The following EFNA5 variants were observed in gnomAD, a reference collection of about 807,000 sequenced individuals.
EFNA5 encodes ephrin-A5.
Under a neutral mutation model 22.9 loss-of-function variants are expected in EFNA5, and 5 were observed. The ratio of observed to expected loss-of-function variants is 0.22; its 90% CI spans 0.11 to 0.46. The LOEUF (loss-of-function observed/expected upper bound fraction) is 0.46. EFNA5 is among the 20% of genes least tolerant of loss of function. The pLI is 0.99. For synonymous variants in EFNA5, 113 were observed against 112.2 expected (o/e 1.01, Z -0.04); for missense variants, 237 against 293.3 (o/e 0.81, Z 1.40).
chr5:107,456,714 T>C (rs908017854), intron 1 of EFNA5, among the ~76,000 whole-genome samples: 1 of 152,172 alleles, frequency 6.6e-6, no homozygotes, highest in African/African-American at 2.4e-5. Flanking sequence ...GGCTGATCTA[T>C]ACCCTTTTGC....
intron 1 of EFNA5, among the ~76,000 whole-genome samples, chr5:107,661,126 AAAGAAG>A (rs558638367): frequency 3.1e-4 from 43 of 139,426 alleles, no homozygotes; most frequent in East Asian, 1.4e-3. Context: ...AAAAAAAAAA[AAAGAAG>A]AAGAAGAAGA....
intron 1 of EFNA5, among the ~76,000 whole-genome samples, chr5:107,604,773 G>A (rs1026320967): frequency 2.8e-4 from 43 of 152,044 alleles, no homozygotes; most frequent in African/African-American, 8.9e-4. Flanking sequence ...ATGTTTAAGC[G>A]CCCTACATGA....
intron 1 of EFNA5, among the ~76,000 whole-genome samples, chr5:107,435,227 T>C (rs896074235): frequency 3.8e-4 from 57 of 151,942 alleles, no homozygotes; most frequent in African/African-American, 1.3e-3. Context: ...CTCTGTTGTA[T>C]AACATGCTGC....
chr5:107,508,842 T>C (rs1747303017), intron 1 of EFNA5, among the ~76,000 whole-genome samples: 2 of 152,246 alleles, frequency 1.3e-5, no homozygotes, highest in Admixed American at 1.3e-4. Context: ...ATTTTTCTCA[T>C]GTCCAATGTC....
chr5:107,454,103 T>C (rs922742513), intron 1 of EFNA5, among the ~76,000 whole-genome samples: 3 of 152,162 alleles, frequency 2.0e-5, no homozygotes, highest in African/African-American at 7.2e-5. Context: ...CGTTTTTCCT[T>C]CTGTCACTTT....
At position 107,540,468 on chromosome 5, in the gene EFNA5, C is replaced by T. The variant is rs529627057; in HGVS notation, c.126-112959G>A. Among the ~76,000 whole-genome samples the T allele has an allele frequency of 9.2e-5, 14 of 152,268 alleles. 1 individual carries two copies. The South Asian group carries it at 1.4e-3, about 16-fold the overall frequency. On this transcript the variant is annotated intron_variant, in intron 1 of 4. Transcript: ENST00000333274. ...CAAAAGCTGATTATCTGCTAACTTT[C>T]TGCCCTAATTTTATGAAAACAGTAT...
At chr5:107,610,876 GC>G (rs1749809845) in intron 1 of EFNA5, among the ~76,000 whole-genome samples, 1 of 152,090 alleles carries the variant, frequency 6.6e-6, no homozygotes, top group Non-Finnish European at 1.5e-5. Flanking sequence ...AGGTCATATA[GC>G]AAGCAGAGAA....
At chr5:107,476,058 T>TATATATATGTATATATATATATATA in intron 1 of EFNA5, among the ~76,000 whole-genome samples, 6 of 41,110 alleles carry the variant, frequency 1.5e-4, no homozygotes, top group African/African-American at 5.8e-4. Context: ...ATATATATAT[T>TATATATATGTATATATATATATATA]TTTTTTTTTT....
At chr5:107,545,349 G>T (rs1053809025) in intron 1 of EFNA5, among the ~76,000 whole-genome samples, 3 of 152,168 alleles carry the variant, frequency 2.0e-5, no homozygotes, top group African/African-American at 7.2e-5. Flanking sequence ...GTATGAAATT[G>T]GTTTTCTACC....
chr5:107,607,812 A>G (rs979807028), intron 1 of EFNA5, among the ~76,000 whole-genome samples: 3 of 152,166 alleles, frequency 2.0e-5, no homozygotes, highest in Non-Finnish European at 2.9e-5. Context: ...CACCTTGCTT[A>G]CGGTGCATGA....
chr5:107,522,570 A>T (rs1747619984), intron 1 of EFNA5, among the ~76,000 whole-genome samples: 1 of 152,104 alleles, frequency 6.6e-6, no homozygotes, highest in African/African-American at 2.4e-5. Flanking sequence ...AGCTAATTTT[A>T]AAAATAAATT....
chr5:107,491,637 G>A (rs968840520), intron 1 of EFNA5, among the ~76,000 whole-genome samples: 1 of 152,052 alleles, frequency 6.6e-6, no homozygotes. Context: ...TTGGTGACTG[G>A]AATAAGGGAA....
At chr5:107,476,652 C>T (rs1750317342) in intron 1 of EFNA5, among the ~76,000 whole-genome samples, 1 of 152,056 alleles carries the variant, frequency 6.6e-6, no homozygotes, top group Non-Finnish European at 1.5e-5. Flanking sequence ...TTTTATGTAT[C>T]AGGACTCTCT....
chr5:107,632,867 A>G (rs1750288117), intron 1 of EFNA5, among the ~76,000 whole-genome samples: 1 of 152,208 alleles, frequency 6.6e-6, no homozygotes, highest in South Asian at 2.1e-4. Context: ...ACCCCAAAAT[A>G]TTTACGTTTT....
intron 1 of EFNA5, among the ~76,000 whole-genome samples, chr5:107,490,933 T>C (rs115529392): frequency 2.0e-5 from 3 of 152,252 alleles, no homozygotes; most frequent in Non-Finnish European, 4.4e-5. Flanking sequence ...CAAGATGAGG[T>C]TTCATTAACT....
chr5:107,537,843 G>A (rs1283934620), intron 1 of EFNA5, among the ~76,000 whole-genome samples: 3 of 152,120 alleles, frequency 2.0e-5, no homozygotes, highest in Non-Finnish European at 4.4e-5. Context: ...ATTAAACTAT[G>A]GTCGTGAGAC....
At chr5:107,448,109 A>C (rs894753630) in intron 1 of EFNA5, among the ~76,000 whole-genome samples, 2 of 152,166 alleles carry the variant, frequency 1.3e-5, no homozygotes, top group African/African-American at 4.8e-5. Flanking sequence ...AACAAGGGAA[A>C]ATTTTTAAGA....
chr5:107,466,817 G>C (rs745872128), intron 1 of EFNA5, among the ~76,000 whole-genome samples: 21 of 152,276 alleles, frequency 1.4e-4, no homozygotes, highest in Middle Eastern at 6.8e-3. Context: ...ATTGGCATTT[G>C]ACTCCAATGT....
chr5:107,392,767 G>A (rs1162938513), intron 2 of EFNA5, among the ~76,000 whole-genome samples: 1 of 152,212 alleles, frequency 6.6e-6, no homozygotes, highest in East Asian at 1.9e-4. Context: ...TTCTGCTAAT[G>A]GCCAGCATGC....
Sources: allele counts gnomAD v4.1 joint callset (sites outside exome capture counted in the v4.1 genomes callset), GRCh38; gene constraint gnomAD v4.1.1; transcripts MANE v1.5; gene names NCBI Gene and HGNC (gene_info 2026-07-23, HGNC 2026-07-21).